TLN2: variants seen among roughly 807,000 people sequenced by gnomAD.
The protein encoded by TLN2 is talin 2, also known as talin-2.
TLN2 carries 118 observed loss-of-function variants against 294.7 expected under a neutral mutation model. That is an observed-to-expected ratio of 0.40 (90% CI 0.34 to 0.47). The LOEUF (loss-of-function observed/expected upper bound fraction) is 0.47. TLN2 is among the 20% of genes least tolerant of loss of function. The pLI is 0.84. For synonymous variants in TLN2, 1,431 were observed against 1,304.5 expected, an observed-to-expected ratio of 1.10 and a Z score of -2.09; for missense variants, 3,083 against 3,282.2, an observed-to-expected ratio of 0.94 and a Z score of 1.48.
At position 62,699,468 on chromosome 15, in the gene TLN2, G is replaced by C. The variant is rs139993048; in HGVS notation, c.1587+601G>C. Reference sequence around the variant, plus strand: ...CAGGTGATGCCAACACTGCATGCCTGGGGACTGTGCTTTGAGAAGCACTGG... The same window carrying C: ...CAGGTGATGCCAACACTGCATGCCTCGGGACTGTGCTTTGAGAAGCACTGG... On this transcript the variant is annotated intron_variant, in intron 16 of 58. Coordinates refer to ENST00000636159, the MANE Select transcript of TLN2 (RefSeq NM_015059.3). 2.0e-5 allele frequency among the ~76,000 whole-genome samples: 3 copies of C among 152,046 alleles called. 1 individual carries two copies. The highest frequency in any genetic ancestry group is 7.2e-5 in the African/African-American group (3 of 41,468).
intron 28 of TLN2, among the ~76,000 whole-genome samples, chr15:62,728,301 A>T (rs1206891628): frequency 2.0e-5 from 3 of 152,236 alleles, no homozygotes; most frequent in Non-Finnish European, 4.4e-5. Context: ...TGTGGTACAT[A>T]CAGTGCTTCT....
At chr15:62,767,385 A>G (rs2063076169) in intron 41 of TLN2, among the ~76,000 whole-genome samples, 1 of 149,962 alleles carries the variant, frequency 6.7e-6, no homozygotes, top group Admixed American at 6.7e-5. Flanking sequence ...CTTGTTGCCC[A>G]GGCTGGAGTG....
intron 1 of TLN2, among the ~76,000 whole-genome samples, chr15:62,537,905 G>A (rs1239457821): frequency 6.6e-6 from 1 of 152,080 alleles, no homozygotes; most frequent in African/African-American, 2.4e-5. Flanking sequence ...CTGCCACAGT[G>A]CTCCACCTCC....
chr15:62,604,689 G>T (rs1050347012), intron 2 of TLN2, among the ~76,000 whole-genome samples: 1 of 136,362 alleles, frequency 7.3e-6, no homozygotes, highest in Admixed American at 7.6e-5. Context: ...TCTTCTCTTC[G>T]TCTTCTTTTT....
chr15:62,709,130 T>G (rs1335182036), intron 21 of TLN2, among the ~76,000 whole-genome samples: 1 of 152,108 alleles, frequency 6.6e-6, no homozygotes, highest in Non-Finnish European at 1.5e-5. Flanking sequence ...AGATCAAGGC[T>G]TGGAATTTAA....
At chr15:62,417,217 C>T (rs1241431889) in intron 1 of TLN2, among the ~76,000 whole-genome samples, 2 of 152,204 alleles carry the variant, frequency 1.3e-5, no homozygotes, top group Admixed American at 6.5e-5. Context: ...TATTCTGCCT[C>T]TATAATTTTA....
At chr15:62,393,010 T>G (rs916540443) in intron 1 of TLN2, among the ~76,000 whole-genome samples, 1 of 152,106 alleles carries the variant, frequency 6.6e-6, no homozygotes, top group Non-Finnish European at 1.5e-5. Flanking sequence ...TTTTTTTTCA[T>G]TGAGCACTAG....
intron 32 of TLN2, 29 bp downstream of exon 32, chr15:62,740,798 G>A (rs2140967775): frequency 6.2e-7 from 1 of 1,613,670 alleles, no homozygotes; most frequent in East Asian, 2.2e-5. Context: ...GTGCTTTCGT[G>A]TGTGGTTAGA....
intron 2 of TLN2, among the ~76,000 whole-genome samples, chr15:62,596,381 T>C (rs537738038): frequency 3.9e-5 from 6 of 152,214 alleles, no homozygotes; most frequent in African/African-American, 9.6e-5. Context: ...TTCTATGATA[T>C]ACATATTTAA....
intron 3 of TLN2, chr15:62,644,683 C>G: frequency 2.3e-6 from 1 of 430,428 alleles, no homozygotes; most frequent in Non-Finnish European, 4.6e-6. Context: ...GCAGGGCTCC[C>G]TCCTTTGATT....
At chr15:62,711,837 T>C in intron 21 of TLN2, 74 bp from the exon 22 acceptor site, 1 of 1,504,018 alleles carries the variant, frequency 6.6e-7, no homozygotes, top group African/African-American at 1.4e-5. Flanking sequence ...GAGACAAGAC[T>C]GTAGTGGCTC....
chr15:62,546,359 A>G (rs1460851253), intron 1 of TLN2, among the ~76,000 whole-genome samples: 1 of 152,198 alleles, frequency 6.6e-6, no homozygotes, highest in Non-Finnish European at 1.5e-5. Context: ...AAGTGCTGAT[A>G]GAGATATTGT....
chr15:62,588,127 G>A (rs774149531), intron 1 of TLN2, among the ~76,000 whole-genome samples: 21 of 152,124 alleles, frequency 1.4e-4, no homozygotes, highest in African/African-American at 1.9e-4. Context: ...TGATCTGCCC[G>A]CCTTCGCCTC....
intron 1 of TLN2, among the ~76,000 whole-genome samples, chr15:62,575,600 T>TAAAAAAAAA (rs529499340): frequency 5.2e-5 from 5 of 96,346 alleles, no homozygotes; most frequent in African/African-American, 1.4e-4. Context: ...TGGAATCACT[T>TAAAAAAAAA]AAAAAACACA....
chr15:62,447,633 G>A (rs1208743166), intron 1 of TLN2, among the ~76,000 whole-genome samples: 8 of 151,686 alleles, frequency 5.3e-5, no homozygotes, highest in Non-Finnish European at 1.0e-4. Flanking sequence ...AGCTGGGACT[G>A]TGGGCACCCG....
chr15:62,694,392 A>G lies in TLN2; in HGVS notation c.1292A>G (p.Lys431Arg). ...TTAGAAGAGTCCGTTTCCCCAAAAA[A>G]GTAAGTATTATGAAGAGTACTAGAG... ...TMLEESVSPK[K>R]STILQQQFNR... is the part of the protein sequence containing the mutation. Residue 431 changes from lysine (K) to arginine (R), a missense_variant and splice_region_variant, in exon 14 of 59, where the codon AAG becomes AGG. Transcript: ENST00000636159. 1.9e-6 allele frequency: 3 copies of G among 1,613,982 alleles called. No homozygotes were observed. Among genetic ancestry groups the G allele is most frequent in the Non-Finnish European group, 1.7e-6 (2 of 1,179,854 alleles).
chr15:62,806,673 T>C (rs2066307656), intron 51 of TLN2, among the ~76,000 whole-genome samples: 1 of 152,130 alleles, frequency 6.6e-6, no homozygotes, highest in South Asian at 2.1e-4. Context: ...GCCTGGAACC[T>C]TTATTTTTGA....
In TLN2 at chr15:62,802,790, C is replaced by T. The variant is rs937759739; in HGVS notation, c.6477+2021C>T. 5.3e-5 allele frequency among the ~76,000 whole-genome samples: 8 copies of T among 152,136 alleles called. No homozygotes were observed. The South Asian group carries it at 8.3e-4, about 16-fold the overall frequency. On this transcript the variant is annotated intron_variant, in intron 50 of 58. Coordinates refer to ENST00000636159, the MANE Select transcript of TLN2 (RefSeq NM_015059.3). ...CATTTTAACTGGGGTGAAATGATATCACATTGTAGTTTTGATTTGCATTTC... is the reference window on the plus strand; with the variant it reads ...CATTTTAACTGGGGTGAAATGATATTACATTGTAGTTTTGATTTGCATTTC...
At chr15:62,680,183 C>G (rs1479211210) in intron 11 of TLN2, among the ~76,000 whole-genome samples, 1 of 152,078 alleles carries the variant, frequency 6.6e-6, no homozygotes, top group Non-Finnish European at 1.5e-5. Context: ...TACTTTCAAA[C>G]AAACTTATCT....
Sources: allele counts gnomAD v4.1 joint callset (sites outside exome capture counted in the v4.1 genomes callset), GRCh38; gene constraint gnomAD v4.1.1; transcripts MANE v1.5; gene names NCBI Gene and HGNC (gene_info 2026-07-23, HGNC 2026-07-21).